ERC2: variants seen among roughly 807,000 people sequenced by gnomAD.
ERC2 encodes the protein ELKS/RAB6-interacting/CAST family member 2.
Under a neutral mutation model 114.8 loss-of-function variants are expected in ERC2, and 42 were observed. The ratio of observed to expected loss-of-function variants is 0.37; its 90% CI spans 0.29 to 0.47. The LOEUF is 0.47. ERC2 is among the 20% of genes least tolerant of loss of function. The pLI is 0.99. For synonymous variants in ERC2, 454 were observed against 425.5 expected (o/e 1.07, Z -0.82); for missense variants, 939 against 1,150.7 (o/e 0.82, Z 2.66).
At chr3:55,568,103 A>G (rs1408451229) in intron 17 of ERC2, among the ~76,000 whole-genome samples, 1 of 152,198 alleles carries the variant, frequency 6.6e-6, no homozygotes, top group African/African-American at 2.4e-5. Context: ...AGTTGAATCT[A>G]TATTCTGCTC....
chr3:56,307,828 G>GCATA (rs1404274371), intron 2 of ERC2, among the ~76,000 whole-genome samples: 176 of 147,654 alleles, frequency 1.2e-3, no homozygotes, highest in African/African-American at 3.5e-3. Flanking sequence ...ACACACACTT[G>GCATA]CACACACACA....
At chr3:55,805,093 G>A (rs1254146587) in intron 14 of ERC2, among the ~76,000 whole-genome samples, 2 of 152,020 alleles carry the variant, frequency 1.3e-5, no homozygotes. Flanking sequence ...AAGGAAGACA[G>A]GGACCCTACT....
chr3:56,222,837 C>T (rs1449052696), intron 3 of ERC2, among the ~76,000 whole-genome samples: 1 of 152,256 alleles, frequency 6.6e-6, no homozygotes, highest in Non-Finnish European at 1.5e-5. Context: ...CTGGCCACGA[C>T]ATGTGAAATG....
intron 17 of ERC2, among the ~76,000 whole-genome samples, chr3:55,654,538 AG>A (rs1306341982): frequency 6.6e-6 from 1 of 152,264 alleles, no homozygotes; most frequent in African/African-American, 2.4e-5. Flanking sequence ...ACCACTCTGC[AG>A]AAAACGGTTG....
intron 1 of ERC2, among the ~76,000 whole-genome samples, chr3:56,435,670 T>C (rs1010696523): frequency 1.3e-5 from 2 of 152,236 alleles, no homozygotes; most frequent in Non-Finnish European, 2.9e-5. Context: ...TCCATCACAG[T>C]CTTCTTTTCC....
At chr3:56,064,138 T>A (rs2076363943) in intron 7 of ERC2, among the ~76,000 whole-genome samples, 1 of 152,230 alleles carries the variant, frequency 6.6e-6, no homozygotes, top group Admixed American at 6.5e-5. Context: ...ATAGGTTAAA[T>A]AGCTCTGGTC....
At chr3:55,630,049 C>T (rs1434155131) in intron 17 of ERC2, among the ~76,000 whole-genome samples, 2 of 152,168 alleles carry the variant, frequency 1.3e-5, no homozygotes, top group African/African-American at 2.4e-5. Context: ...GAAGAGAAGA[C>T]GGGAGCCAGA....
intron 2 of ERC2, among the ~76,000 whole-genome samples, chr3:56,307,200 G>T (rs1478224203): frequency 3.3e-5 from 5 of 152,176 alleles, no homozygotes; most frequent in African/African-American, 1.2e-4. Flanking sequence ...CTCCTAAAGT[G>T]AATTCACAAA....
At chr3:56,417,274 T>A (rs2061202851) in intron 2 of ERC2, among the ~76,000 whole-genome samples, 1 of 152,252 alleles carries the variant, frequency 6.6e-6, no homozygotes, top group Non-Finnish European at 1.5e-5. Flanking sequence ...CTCATCTTTT[T>A]TTCTATTACT....
intron 14 of ERC2, among the ~76,000 whole-genome samples, chr3:55,785,238 T>C (rs943095543): frequency 3.4e-4 from 52 of 152,362 alleles, no homozygotes; most frequent in African/African-American, 1.1e-3. Context: ...TGTCTTAATC[T>C]TCCTGCTTAG....
rs143332646 is a variant in ERC2 at position 55,806,695 on chromosome 3, A to G, written c.2565-71777T>C. Among the ~76,000 whole-genome samples, 1,224 of 152,232 alleles carry G rather than the reference A, an allele frequency of 8.0e-3. 5 individuals are homozygous for G. The highest frequency in any genetic ancestry group is 0.013 in the Non-Finnish European group (900 of 68,012). On this transcript the variant is annotated intron_variant, in intron 14 of 17. Coordinates refer to ENST00000288221, the MANE Select transcript of ERC2 (RefSeq NM_015576.3). ...ACAAAGGACAGACCCTACAACAAAGAATTGTCCAGCCCAAAATGCCAATAG... is the reference window on the plus strand; with the variant it reads ...ACAAAGGACAGACCCTACAACAAAGGATTGTCCAGCCCAAAATGCCAATAG...
chr3:56,233,891 T>C (rs2050782520), intron 3 of ERC2, among the ~76,000 whole-genome samples: 1 of 152,142 alleles, frequency 6.6e-6, no homozygotes, highest in Non-Finnish European at 1.5e-5. Context: ...CCCTCTTGCC[T>C]CACTCTTCAC....
intron 3 of ERC2, among the ~76,000 whole-genome samples, chr3:56,226,951 C>T (rs141489019): frequency 5.3e-5 from 8 of 152,282 alleles, no homozygotes; most frequent in African/African-American, 1.9e-4. Context: ...GTTTAAAATT[C>T]TTATGCAAAC....
chr3:56,388,361 C>G (rs186713587), intron 2 of ERC2, among the ~76,000 whole-genome samples: 15 of 152,208 alleles, frequency 9.9e-5, no homozygotes, highest in African/African-American at 3.4e-4. Context: ...CTCCTCTCCC[C>G]CTTCCTCCTG....
At chr3:56,156,574 G>T (rs1210801387) in intron 4 of ERC2, among the ~76,000 whole-genome samples, 1 of 152,098 alleles carries the variant, frequency 6.6e-6, no homozygotes, top group East Asian at 1.9e-4. Context: ...GTACTCTGAG[G>T]GTTTGGGGTA....
At chr3:56,464,816 G>T (rs1485814193) in intron 1 of ERC2, among the ~76,000 whole-genome samples, 1 of 151,802 alleles carries the variant, frequency 6.6e-6, no homozygotes, top group East Asian at 1.9e-4. Flanking sequence ...GAAACTGTTG[G>T]CTGGCAAGTA....
At chr3:55,852,048 C>T (rs1311899937) in intron 14 of ERC2, among the ~76,000 whole-genome samples, 1 of 152,160 alleles carries the variant, frequency 6.6e-6, no homozygotes, top group Non-Finnish European at 1.5e-5. Context: ...ATGGTGAAAC[C>T]TCATCTCTAC....
At chr3:56,375,909 A>G (rs975673589) in intron 2 of ERC2, among the ~76,000 whole-genome samples, 1 of 152,220 alleles carries the variant, frequency 6.6e-6, no homozygotes, top group Non-Finnish European at 1.5e-5. Context: ...AAACTGCCCT[A>G]TGGAGAGGCT....
intron 17 of ERC2, among the ~76,000 whole-genome samples, chr3:55,584,396 G>A (rs2057486879): frequency 6.6e-6 from 1 of 152,162 alleles, no homozygotes; most frequent in Non-Finnish European, 1.5e-5. Context: ...ATTCAACAAT[G>A]GCTGCTATGA....
Sources: gnomAD v4.1 joint callset for allele counts (sites outside exome capture counted in the v4.1 genomes callset) on GRCh38, gnomAD v4.1.1 for gene constraint, MANE v1.5 for transcripts, NCBI Gene and HGNC (gene_info 2026-07-23, HGNC 2026-07-21) for gene names.